The following LMBR1 variants were observed in gnomAD, a reference collection of about 807,000 sequenced individuals.
LMBR1 encodes the protein limb development membrane protein 1, also known as limb region 1 protein homolog.
Under a neutral mutation model 73.9 loss-of-function variants are expected in LMBR1, and 52 were observed. That is an observed-to-expected ratio of 0.70 (90% CI 0.56 to 0.89). The LOEUF (loss-of-function observed/expected upper bound fraction) is 0.89. Ranked by LOEUF, LMBR1 falls within the 40% of genes least tolerant of loss-of-function variation. LMBR1 has a pLI of 0.00. For missense variants in LMBR1, 539 were observed against 579.8 expected (o/e 0.93, Z 0.72); for synonymous variants, 215 against 209.4 (o/e 1.03, Z -0.23).
chr7:156,728,558 A>G, intron 11 of LMBR1, 86 bp downstream of exon 11: 1 of 901,678 alleles, frequency 1.1e-6, no homozygotes, highest in Non-Finnish European at 1.7e-6. Context: ...ATGAAAAACC[A>G]TTTAGCTGAG....
intron 8 of LMBR1, among the ~76,000 whole-genome samples, chr7:156,758,502 G>T (rs2132841976): frequency 6.6e-6 from 1 of 152,306 alleles, no homozygotes; most frequent in Non-Finnish European, 1.5e-5. Flanking sequence ...AAGTATTTGG[G>T]TCATGGGGGT....
chr7:156,831,584 G>A (rs1024256995), intron 3 of LMBR1, among the ~76,000 whole-genome samples: 2 of 151,888 alleles, frequency 1.3e-5, no homozygotes, highest in Non-Finnish European at 2.9e-5. Flanking sequence ...CACTTTATAC[G>A]AACCCACTGA....
intron 15 of LMBR1, among the ~76,000 whole-genome samples, chr7:156,695,099 A>T (rs746781115): frequency 6.6e-6 from 1 of 152,210 alleles, no homozygotes; most frequent in African/African-American, 2.4e-5. Flanking sequence ...CACTTGAAGC[A>T]GGAGTTTGAG....
Position 156,761,976 on chromosome 7 carries a change from C to CAAA in LMBR1, c.684+155_684+157dup, listed in dbSNP as rs552712592. Reference sequence around the variant, plus strand: ...TGGGCGACAGAGCAAGACTCTGTCTCAAAAAAAAAAAAAAAACTTAATAAA... The same window carrying CAAA: ...TGGGCGACAGAGCAAGACTCTGTCTCAAAAAAAAAAAAAAAAAAACTTAATAAA... On this transcript the variant is annotated intron_variant, in intron 8 of 16. Coordinates refer to ENST00000353442, the MANE Select transcript of LMBR1 (RefSeq NM_022458.4). 7.3e-4 allele frequency among the ~76,000 whole-genome samples: 76 copies of CAAA among 104,158 alleles called. 1 individual carries two copies. Among genetic ancestry groups the CAAA allele is most frequent in the African/African-American group, 1.9e-3 (47 of 25,018 alleles). 68.3% of individuals were successfully genotyped at this position (104,158 alleles called of 152,430 possible). A position where few individuals can be genotyped will look rare whatever the true frequency, so the allele number is the denominator to read the frequency against.
chr7:156,787,569 A>G (rs1828354433), intron 5 of LMBR1, among the ~76,000 whole-genome samples: 1 of 152,218 alleles, frequency 6.6e-6, no homozygotes, highest in Non-Finnish European at 1.5e-5. Flanking sequence ...TTGCATGACA[A>G]TTTAACAATA....
At chr7:156,876,894 A>C (rs1257330786) in intron 1 of LMBR1, among the ~76,000 whole-genome samples, 1 of 152,176 alleles carries the variant, frequency 6.6e-6, no homozygotes, top group African/African-American at 2.4e-5. Flanking sequence ...AGACAATCTA[A>C]GGTCACACCT....
chr7:156,740,672 A>C (rs540210497), intron 9 of LMBR1, among the ~76,000 whole-genome samples: 2 of 152,296 alleles, frequency 1.3e-5, no homozygotes, highest in East Asian at 3.9e-4. Context: ...CATGAAGGAG[A>C]AATAAAGACT....
chr7:156,722,393 C>G (rs984711621), intron 15 of LMBR1, among the ~76,000 whole-genome samples: 1 of 152,116 alleles, frequency 6.6e-6, no homozygotes, highest in African/African-American at 2.4e-5. Flanking sequence ...TTCTTAAAAT[C>G]AAAGACTCAA....
At chr7:156,889,707 G>A (rs1196501670) in intron 1 of LMBR1, among the ~76,000 whole-genome samples, 1 of 152,138 alleles carries the variant, frequency 6.6e-6, no homozygotes, top group Non-Finnish European at 1.5e-5. Flanking sequence ...TTTACAATGT[G>A]TCCCTTTCTC....
intron 1 of LMBR1, among the ~76,000 whole-genome samples, chr7:156,883,660 C>G (rs12538999): frequency 0.1 from 15,552 of 152,180 alleles, 901 homozygotes; most frequent in African/African-American, 0.13. Context: ...AGCAAGGTTG[C>G]TTCCTTCTGG....
intron 13 of LMBR1, 65 bp from the exon 14 acceptor site, chr7:156,725,590 CA>C (rs1563218653): frequency 7.5e-7 from 1 of 1,332,644 alleles, no homozygotes; most frequent in Non-Finnish European, 1.0e-6. Context: ...CGGCAGTCTC[CA>C]AAAAGTCTTA....
intron 4 of LMBR1, among the ~76,000 whole-genome samples, chr7:156,800,683 T>C (rs1289185473): frequency 1.3e-5 from 2 of 152,156 alleles, no homozygotes; most frequent in East Asian, 3.8e-4. Flanking sequence ...TCTGTAAGGC[T>C]ATACCTGCTA....
chr7:156,697,942 T>C (rs1808684256), intron 15 of LMBR1, among the ~76,000 whole-genome samples: 1 of 152,160 alleles, frequency 6.6e-6, no homozygotes, highest in African/African-American at 2.4e-5. Flanking sequence ...TAAAATGAGA[T>C]CTTCACAATT....
At chr7:156,810,002 ACT>A (rs1464949924) in intron 4 of LMBR1, among the ~76,000 whole-genome samples, 1 of 151,924 alleles carries the variant, frequency 6.6e-6, no homozygotes, top group East Asian at 1.9e-4. Context: ...CAACTACATC[ACT>A]GATACCCTGT....
At chr7:156,848,863 G>A (rs1337019617) in intron 1 of LMBR1, among the ~76,000 whole-genome samples, 13 of 151,206 alleles carry the variant, frequency 8.6e-5, no homozygotes, top group East Asian at 2.0e-4. Context: ...CCTGGGAGGC[G>A]GAGGCTGCAG....
chr7:156,692,020 G>A (rs745575360), intron 15 of LMBR1, among the ~76,000 whole-genome samples: 13 of 152,006 alleles, frequency 8.6e-5, no homozygotes, highest in African/African-American at 1.4e-4. Flanking sequence ...ATCATAAAAC[G>A]AAAGAGAGGC....
chr7:156,677,764 A>G (rs1804329688), downstream of LMBR1: 1 of 152,246 alleles, frequency 6.6e-6, no homozygotes, highest in Non-Finnish European at 1.5e-5. Context: ...ATTTATGAAT[A>G]AATATGCATA....
intron 9 of LMBR1, among the ~76,000 whole-genome samples, chr7:156,754,917 A>G (rs563424161): frequency 6.6e-6 from 1 of 152,336 alleles, no homozygotes; most frequent in African/African-American, 2.4e-5. Context: ...TTTCCACCTG[A>G]AACAGTCCAC....
chr7:156,830,860 G>A (rs973196508), intron 3 of LMBR1, among the ~76,000 whole-genome samples: 2 of 152,162 alleles, frequency 1.3e-5, no homozygotes, highest in African/African-American at 4.8e-5. Context: ...GCCTGCTCCC[G>A]TGCCAGGACT....
Sources: allele counts gnomAD v4.1 joint callset (sites outside exome capture counted in the v4.1 genomes callset), GRCh38; gene constraint gnomAD v4.1.1; transcripts MANE v1.5; gene names NCBI Gene and HGNC (gene_info 2026-07-23, HGNC 2026-07-21).